Variants in GEMIN8 observed in about 807,000 individuals in gnomAD.
GEMIN8 encodes gem-associated protein 8.
For synonymous variants in GEMIN8, 80 were observed against 78.5 expected (o/e 1.02, Z -0.10); for missense variants, 185 against 205.9 (o/e 0.90, Z 0.62).
intron 4 of GEMIN8, among the ~76,000 whole-genome samples, chrX:14,011,467 C>T (rs974466512): frequency 2.4e-4 from 26 of 108,506 alleles, no homozygotes; most frequent in Admixed American, 1.1e-3. Context: ...AACACAGTCC[C>T]TCTGCCATCT....
intron 1 of GEMIN8, among the ~76,000 whole-genome samples, chrX:14,029,018 C>T (rs376280317): frequency 1.1e-3 from 119 of 111,643 alleles, no homozygotes; most frequent in African/African-American, 3.7e-3. Flanking sequence ...AATACACAGC[C>T]TAGCCTGTCA....
the GEMIN8 span, among the ~76,000 whole-genome samples, chrX:13,994,130 G>A: frequency 1.6e-3 from 178 of 111,780 alleles, 1 homozygote; most frequent in Non-Finnish European, 2.9e-3. Context: ...GCAATGGCTG[G>A]GCCCCGATGA....
the GEMIN8 span, among the ~76,000 whole-genome samples, chrX:13,990,038 G>A: frequency 1.8e-5 from 2 of 112,665 alleles, no homozygotes; most frequent in Admixed American, 9.4e-5. Flanking sequence ...CCATGTGGCT[G>A]TTGGGCACCT....
At chrX:14,027,687 C>T (rs1338518115) in intron 1 of GEMIN8, among the ~76,000 whole-genome samples, 1 of 112,311 alleles carries the variant, frequency 8.9e-6, no homozygotes, top group Non-Finnish European at 1.9e-5. Flanking sequence ...TGACATTCCA[C>T]CCACAGAAGG....
At chrX:14,013,382 T>G (rs1490599684) in intron 4 of GEMIN8, among the ~76,000 whole-genome samples, 3 of 112,493 alleles carry the variant, frequency 2.7e-5, no homozygotes, top group Non-Finnish European at 5.6e-5. Flanking sequence ...GGCAAGATAA[T>G]TTGTTTTAAT....
the GEMIN8 span, among the ~76,000 whole-genome samples, chrX:13,984,710 C>T: frequency 9.0e-6 from 1 of 111,557 alleles, no homozygotes; most frequent in African/African-American, 3.3e-5. Flanking sequence ...TTCCAGGACA[C>T]ACTAGGCAAG....
rs777158584 is a variant in GEMIN8, at chrX:14,022,020, TG to T, written c.-33-510del. ...ATACACATATATGTATGTATACACA[TG>T]TATATATACACATGTATATATAATG... is the stretch of plus-strand genomic sequence containing the variant. On this transcript the variant is annotated intron_variant, in intron 2 of 4. Coordinates refer to ENST00000680255, the MANE Select transcript of GEMIN8 (RefSeq NM_001042479.2). Among the ~76,000 whole-genome samples, 953 of 100,615 alleles carry T rather than the reference TG, an allele frequency of 9.5e-3. 3 individuals carry two copies. Among genetic ancestry groups the T allele is most frequent in the African/African-American group, 0.011 (309 of 27,789 alleles). 87.4% of individuals were successfully genotyped at this position (100,615 alleles called of 115,157 possible). A position where few individuals can be genotyped will look rare whatever the true frequency, so the allele number is the denominator to read the frequency against.
At chrX:14,018,169 A>T (rs1426211870) in intron 4 of GEMIN8, among the ~76,000 whole-genome samples, 1 of 112,410 alleles carries the variant, frequency 8.9e-6, no homozygotes, top group African/African-American at 3.2e-5. Context: ...AGTATGACTT[A>T]GCAGGTAATT....
In GEMIN8 at chrX:14,007,239, G is replaced by C. The variant is rs918266746; in HGVS notation, c.*1674C>G. Among the ~76,000 whole-genome samples the C allele has an allele frequency of 4.5e-5, 5 of 111,579 alleles. No homozygotes were observed. Among genetic ancestry groups the C allele is most frequent in the Non-Finnish European group, 9.4e-5 (5 of 53,104 alleles). ...AATAATGCATTTGTCTCAGGGCAGG[G>C]GCTGAATGTGAAGCCAACTGTTCTT... On this transcript the variant is annotated 3_prime_UTR_variant, in exon 5 of 5. Coordinates refer to ENST00000680255, the MANE Select transcript of GEMIN8 (RefSeq NM_001042479.2).
chrX:14,020,120 G>A lies in GEMIN8; in HGVS notation c.430C>T (p.Arg144Cys), dbSNP rs754235013. The change falls in exon 4 of 5, where the codon CGC becomes TGC. Residue 144 changes from arginine (R) to cysteine (C), a missense_variant. Transcript: ENST00000680255. ...LSNMEITEEL[R>C]QYFAETERHR... The stretch of plus-strand genomic sequence containing the variant: ...CTCTCGGTCTCTGCAAAGTACTGGC[G>A]GAGCTCTTCAGTGATTTCCATATTG... 10 of 1,206,044 alleles carry A rather than the reference G, an allele frequency of 8.3e-6. No individual in the cohort carries two copies. Among genetic ancestry groups the A allele is most frequent in the Non-Finnish European group, 7.8e-6 (7 of 891,729 alleles).
chrX:14,014,510 T>A, intron 4 of GEMIN8: 1 of 752,102 alleles, frequency 1.3e-6, no homozygotes. Flanking sequence ...ATCATCTCAC[T>A]GATCGGTTTT....
At chrX:14,028,055 G>A (rs937549716) in intron 1 of GEMIN8, among the ~76,000 whole-genome samples, 2 of 111,900 alleles carry the variant, frequency 1.8e-5, no homozygotes, top group Non-Finnish European at 3.8e-5. Flanking sequence ...CATTTCAGGC[G>A]TCTTATTTCA....
chrX:13,986,617 G>T, the GEMIN8 span, among the ~76,000 whole-genome samples: 123 of 112,527 alleles, frequency 1.1e-3, no homozygotes, highest in African/African-American at 3.8e-3. Context: ...GCATGCACCA[G>T]CTGTCTTTTA....
chrX:14,027,103 G>A (rs1924736744), intron 1 of GEMIN8: 2 of 112,876 alleles, frequency 1.8e-5, no homozygotes, highest in South Asian at 7.2e-4. Context: ...CGGTTCCAAG[G>A]AATCTCTCTG....
chrX:13,999,271 A>ATTTT, the GEMIN8 span, among the ~76,000 whole-genome samples: 2 of 88,928 alleles, frequency 2.2e-5, no homozygotes, highest in African/African-American at 4.2e-5. Flanking sequence ...CTGTATGTAG[A>ATTTT]TTTTTTTTTT....
At position 14,009,180 on chromosome X, in the gene GEMIN8, A is replaced by G. The variant is rs370364690; in HGVS notation, c.473-11T>C. The G allele has an allele frequency of 1.8e-5, 22 of 1,207,524 alleles. No homozygotes were observed. The East Asian group carries it at 6.5e-4, about 36-fold the overall frequency. ...GCTGCTGCTGCCGCCCTGAGAACAA[A>G]CACGAACGTGAACATGAACATAAAC... is the stretch of plus-strand genomic sequence containing the variant. On this transcript the variant is annotated splice_polypyrimidine_tract_variant and intron_variant, in intron 4 of 4. Transcript: ENST00000680255.
chrX:14,020,351 C>T lies in GEMIN8; in HGVS notation c.199G>A (p.Asp67Asn), dbSNP rs371906124. ...GACTGAGGATACGCAGCCTCATTAT[C>T]GTAAGAGCTTTGGGGAAGAAGCGCA... The part of the protein sequence containing the change: ...PSALLPQSSY[D>N]NEAAYPQSFY... Residue 67 changes from aspartate to asparagine, a missense_variant, in exon 4 of 5, where the codon GAT becomes AAT. Coordinates refer to ENST00000680255, the MANE Select transcript of GEMIN8 (RefSeq NM_001042479.2). The T allele has an allele frequency of 1.9e-5, 23 of 1,209,145 alleles. No individual in the cohort carries two copies. The Middle Eastern group carries it at 1.6e-3, about 84-fold the overall frequency.
chrX:13,986,078 C>CA, the GEMIN8 span, among the ~76,000 whole-genome samples: 4 of 111,912 alleles, frequency 3.6e-5, no homozygotes, highest in African/African-American at 1.3e-4. Context: ...AACAAACAAA[C>CA]AACAACAACA....
chrX:14,018,517 T>C (rs1470740936), intron 4 of GEMIN8, among the ~76,000 whole-genome samples: 1 of 111,725 alleles, frequency 9.0e-6, no homozygotes, highest in Non-Finnish European at 1.9e-5. Context: ...TCGATCTCCA[T>C]CCCATTTTCT....
Sources: gnomAD v4.1 joint callset for allele counts (sites outside exome capture counted in the v4.1 genomes callset) on GRCh38, gnomAD v4.1.1 for gene constraint, MANE v1.5 for transcripts, NCBI Gene and HGNC (gene_info 2026-07-23, HGNC 2026-07-21) for gene names.